The following GPR173 variants were observed in gnomAD, a reference collection of about 807,000 sequenced individuals.
GPR173 encodes G protein-coupled receptor 173.
A neutral mutation model predicts 13.9 loss-of-function variants in GPR173; 2 were observed. The observed-to-expected ratio is 0.14, with a 90% CI of 0.06 to 0.45. GPR173 has a LOEUF of 0.45. Ranked by LOEUF, GPR173 falls within the 20% of genes least tolerant of loss-of-function variation. GPR173 has a pLI of 0.98. For synonymous variants in GPR173, 131 were observed against 141.0 expected (o/e 0.93, Z 0.50); for missense variants, 202 against 340.5 (o/e 0.59, Z 3.20).
At chrX:53,055,213 G>A (rs1932016000) in intron 1 of GPR173, among the ~76,000 whole-genome samples, 1 of 110,531 alleles carries the variant, frequency 9.0e-6, no homozygotes, top group Non-Finnish European at 1.9e-5. Context: ...TGTGGGAAGA[G>A]CATGTATGTG....
rs1386897077 is a variant in GPR173 at position 53,048,894 on chromosome X, G to A, written c.-688G>A. Among the ~76,000 whole-genome samples, 2 of 111,128 alleles carry A rather than the reference G, an allele frequency of 1.8e-5. No homozygotes were observed. Among genetic ancestry groups the A allele is most frequent in the East Asian group, 5.8e-4 (2 of 3,437 alleles). ...ATCCCCGCCAGGCCCGGGGAGCGGG[G>A]TGAGCCTGGATGAGAGCCCCCCCAA... On this transcript the variant is annotated 5_prime_UTR_variant, in exon 1 of 2. It adds an upstream start codon to the 5' untranslated region. Coordinates refer to ENST00000332582, the MANE Select transcript of GPR173 (RefSeq NM_018969.6).
Position 53,056,384 on chromosome X carries a change from G to A in GPR173, c.-98+6900G>A, listed in dbSNP as rs189588444. Among the ~76,000 whole-genome samples the A allele has an allele frequency of 3.0e-4, 33 of 110,242 alleles. No homozygotes were observed. In the East Asian group the frequency reaches 8.0e-3, roughly 27 times the overall value. On this transcript the variant is annotated intron_variant, in intron 1 of 1. Transcript: ENST00000332582. The stretch of plus-strand genomic sequence containing the variant: ...GAGAGCGTGGGGTATATCTAAGACC[G>A]CGAAGACCTATAGGATGTGAGCAGG...
intron 1 of GPR173, among the ~76,000 whole-genome samples, chrX:53,060,016 A>T (rs1338317062): frequency 4.0e-5 from 4 of 99,233 alleles, no homozygotes; most frequent in Non-Finnish European, 8.0e-5. Context: ...AGTGTATATT[A>T]TATATATATA....
At chrX:53,052,137 G>A (rs1246845988) in intron 1 of GPR173, among the ~76,000 whole-genome samples, 2 of 111,507 alleles carry the variant, frequency 1.8e-5, no homozygotes. Context: ...ACTAATATAA[G>A]GAGAACTAAT....
rs370688515 is a variant in GPR173 at position 53,078,018 on chromosome X, GTCTCTC to G, written c.*298_*303del. ...TCTCATTCTCTCTCTCTCTCTCTCTGTCTCTCTCTCTCTCTCTCTCTCTCTCTCAGA... is the reference window on the plus strand; with the variant it reads ...TCTCATTCTCTCTCTCTCTCTCTCTGTCTCTCTCTCTCTCTCTCTCTCAGA... On this transcript the variant is annotated 3_prime_UTR_variant, in exon 2 of 2. Transcript: ENST00000332582. 2,555 of 251,614 alleles carry G rather than the reference GTCTCTC, an allele frequency of 0.01. No homozygotes were observed. Among genetic ancestry groups the G allele is most frequent in the South Asian group, 0.016 (111 of 7,136 alleles). 20.7% of individuals were successfully genotyped at this position (251,614 alleles called of 1,213,427 possible). A position where few individuals can be genotyped will look rare whatever the true frequency, so the allele number is the denominator to read the frequency against.
Position 53,073,989 on chromosome X carries a change from ATATACATAAATATATAT to A in GPR173, c.-97-2517_-97-2501del, listed in dbSNP as rs1403204142. On this transcript the variant is annotated intron_variant, in intron 1 of 1. Coordinates refer to ENST00000332582, the MANE Select transcript of GPR173 (RefSeq NM_018969.6). Reference sequence around the variant, plus strand: ...AATATATATTTATATTTATATATAAATATACATAAATATATATTATACATAAATATATATTTATATAT... The same window carrying A: ...AATATATATTTATATTTATATATAAATATACATAAATATATATTTATATAT... 3.4e-3 allele frequency among the ~76,000 whole-genome samples: 97 copies of A among 28,501 alleles called. 4 individuals are homozygous for A. The highest frequency in any genetic ancestry group is 0.023 in the African/African-American group (87 of 3,731). 24.7% of individuals were successfully genotyped at this position (28,501 alleles called of 115,157 possible).
chrX:53,062,716 G>A lies in GPR173; in HGVS notation c.-98+13232G>A, dbSNP rs1035503521. ...AGCGATCCTCTCACCTCAGCTCCCCGAGTTTTTGTAGAGATGGGATTTGGC... is the reference window on the plus strand; with the variant it reads ...AGCGATCCTCTCACCTCAGCTCCCCAAGTTTTTGTAGAGATGGGATTTGGC... On this transcript the variant is annotated intron_variant, in intron 1 of 1. Transcript: ENST00000332582. Among the ~76,000 whole-genome samples the A allele has an allele frequency of 4.7e-5, 5 of 107,146 alleles. No individual in the cohort carries two copies. The South Asian group carries it at 1.7e-3, about 36-fold the overall frequency. 93.0% of individuals were successfully genotyped at this position (107,146 alleles called of 115,157 possible).
Position 53,080,094 on chromosome X carries a change from C to T in GPR173, c.*2351C>T, listed in dbSNP as rs1932513386. On this transcript the variant is annotated 3_prime_UTR_variant, in exon 2 of 2. Coordinates refer to ENST00000332582, the MANE Select transcript of GPR173 (RefSeq NM_018969.6). ...AGAATGGGGACTGGGAATTGAGGAT[C>T]AAATGTGAGGGAAACTGATGAGGTT... The T allele has an allele frequency of 8.2e-6, 1 of 122,642 alleles. No homozygotes were observed. Among genetic ancestry groups the T allele is most frequent in the Non-Finnish European group, 1.9e-5 (1 of 53,059 alleles). 10.1% of individuals were successfully genotyped at this position (122,642 alleles called of 1,213,427 possible).
intron 1 of GPR173, among the ~76,000 whole-genome samples, chrX:53,074,431 G>A (rs368875690): frequency 5.5e-4 from 1 of 1,825 alleles, no homozygotes; most frequent in Non-Finnish European, 7.5e-4. Context: ...TAACTATATA[G>A]ATTTATATAT....
At chrX:53,064,644 G>C (rs1226747898) in intron 1 of GPR173, among the ~76,000 whole-genome samples, 1 of 111,054 alleles carries the variant, frequency 9.0e-6, no homozygotes, top group Non-Finnish European at 1.9e-5. Flanking sequence ...AGATCATGTG[G>C]CTACATCTGG....
chrX:53,059,332 G>A (rs782068744), intron 1 of GPR173, among the ~76,000 whole-genome samples: 215 of 107,498 alleles, frequency 2.0e-3, no homozygotes, highest in Admixed American at 8.4e-3. Flanking sequence ...TCACTCTGTC[G>A]CCCAGGCTGG....
intron 1 of GPR173, among the ~76,000 whole-genome samples, chrX:53,072,281 ATCTC>A (rs1193297167): frequency 1.9e-5 from 2 of 103,379 alleles, no homozygotes; most frequent in African/African-American, 7.1e-5. Context: ...CTCTCTCTCT[ATCTC>A]TCTCCAGCTA....
chrX:53,074,311 C>CATATATATTTATATATAAATGTATATTT (rs1932367899), intron 1 of GPR173, among the ~76,000 whole-genome samples: 6 of 6,281 alleles, frequency 9.6e-4, no homozygotes, highest in Non-Finnish European at 1.0e-3. Context: ...AATATACATT[C>CATATATATTTATATATAAATGTATATTT]ATATATATTT....
intron 1 of GPR173, among the ~76,000 whole-genome samples, chrX:53,059,166 G>A (rs376877633): frequency 9.3e-6 from 1 of 107,517 alleles, no homozygotes; most frequent in Non-Finnish European, 1.9e-5. Context: ...GGAGAATGGC[G>A]TGAACCTGGG....
intron 1 of GPR173, among the ~76,000 whole-genome samples, chrX:53,074,707 ATATT>A (rs1305956557): frequency 2.2e-5 from 2 of 91,014 alleles, no homozygotes; most frequent in Non-Finnish European, 4.1e-5. Context: ...ATATAAATAT[ATATT>A]TATATTTATT....
chrX:53,072,313 C>A lies in GPR173; in HGVS notation c.-97-4212C>A, dbSNP rs782358309. 3.7e-5 allele frequency among the ~76,000 whole-genome samples: 4 copies of A among 107,893 alleles called. No individual in the cohort carries two copies. In the South Asian group the frequency reaches 1.7e-3, roughly 45 times the overall value. 93.7% of individuals were successfully genotyped at this position (107,893 alleles called of 115,157 possible). ...TCCAGCTACCCTCTCTTATCTCTGC[C>A]CCACCCCACCCCGTCTCTATTTTTC... On this transcript the variant is annotated intron_variant, in intron 1 of 1. Coordinates refer to ENST00000332582, the MANE Select transcript of GPR173 (RefSeq NM_018969.6).
At chrX:53,071,636 CAGA>C (rs1602093674) in intron 1 of GPR173, among the ~76,000 whole-genome samples, 3 of 111,975 alleles carry the variant, frequency 2.7e-5, no homozygotes, top group South Asian at 3.7e-4. Flanking sequence ...TCCTAAATGT[CAGA>C]AGGACACCCT....
chrX:53,057,746 C>T (rs782576834), intron 1 of GPR173, among the ~76,000 whole-genome samples: 1 of 110,399 alleles, frequency 9.1e-6, no homozygotes, highest in African/African-American at 3.3e-5. Context: ...AAGAGTGAAA[C>T]TCCGTCTCAA....
Position 53,076,544 on chromosome X carries a change from C to A in GPR173, c.-78C>A. The A allele has an allele frequency of 1.2e-6, 1 of 829,053 alleles. No homozygotes were observed. Among genetic ancestry groups the A allele is most frequent in the Non-Finnish European group, 1.7e-6 (1 of 587,188 alleles). The allele number at this position is 829,053 out of a possible 1,213,427, so 68.3% of individuals were successfully genotyped here. Reference sequence around the variant, plus strand: ...TTGCAGGTGCAATGTAGCAGGACAACTCATGGAGCCCCCCCGGGCCCATCG... The same window carrying A: ...TTGCAGGTGCAATGTAGCAGGACAAATCATGGAGCCCCCCCGGGCCCATCG... On this transcript the variant is annotated 5_prime_UTR_variant, in exon 2 of 2. Coordinates refer to ENST00000332582, the MANE Select transcript of GPR173 (RefSeq NM_018969.6).
Sources: gnomAD v4.1 joint callset for allele counts (sites outside exome capture counted in the v4.1 genomes callset) on GRCh38, gnomAD v4.1.1 for gene constraint, MANE v1.5 for transcripts, NCBI Gene and HGNC (gene_info 2026-07-23, HGNC 2026-07-21) for gene names.